The following FAM107B variants were observed in gnomAD, a reference collection of about 807,000 sequenced individuals.
The protein encoded by FAM107B is family with sequence similarity 107 member B.
FAM107B carries 21 observed loss-of-function variants against 31.5 expected under a neutral mutation model. That is an observed-to-expected ratio of 0.67 (90% CI 0.47 to 0.96). The LOEUF (loss-of-function observed/expected upper bound fraction) is 0.96. FAM107B is among the 40% of genes least tolerant of loss of function. FAM107B has a pLI of 0.00. For synonymous variants in FAM107B, 157 were observed against 141.5 expected (o/e 1.11, Z -0.78); for missense variants, 452 against 377.1 (o/e 1.20, Z -1.64).
chr10:14,557,028 T>G (rs987336852), intron 2 of FAM107B, among the ~76,000 whole-genome samples: 1 of 152,204 alleles, frequency 6.6e-6, no homozygotes, highest in African/African-American at 2.4e-5. Context: ...CTGGAGCGCA[T>G]GACCCTCCCA....
intron 2 of FAM107B, chr10:14,571,738 GA>G (rs1355190638): frequency 2.0e-6 from 2 of 978,512 alleles, no homozygotes; most frequent in Non-Finnish European, 2.4e-6. Flanking sequence ...AACAGCCATA[GA>G]AAAGTCCCAG....
chr10:14,622,551 C>T (rs536434775), intron 2 of FAM107B, among the ~76,000 whole-genome samples: 12 of 152,222 alleles, frequency 7.9e-5, no homozygotes, highest in South Asian at 6.2e-4. Context: ...GTGATCCACC[C>T]GCCTTGGCCT....
rs1465545495 is a variant in FAM107B at position 14,681,939 on chromosome 10, G to A, written c.412-14248C>T. On this transcript the variant is annotated intron_variant, in intron 1 of 4. Coordinates refer to ENST00000181796, the MANE Select transcript of FAM107B (RefSeq NM_031453.4). ...ATCATGGGTTTGAGAGTCAATTGCG[G>A]GCACCTATACACCAGTCAAAACAAA... is the stretch of plus-strand genomic sequence containing the variant. 2.6e-5 allele frequency among the ~76,000 whole-genome samples: 4 copies of A among 152,132 alleles called. No individual in the cohort carries two copies. In the East Asian group the frequency reaches 7.7e-4, roughly 29 times the overall value.
intron 2 of FAM107B, chr10:14,571,742 A>G (rs56353815): frequency 0.46 from 452,389 of 978,568 alleles, 107,235 homozygotes; most frequent in Non-Finnish European, 0.49. Flanking sequence ...GCCATAGAAA[A>G]GTCCCAGTGT....
chr10:14,757,767 C>A (rs962109504), intron 1 of FAM107B, among the ~76,000 whole-genome samples: 1 of 152,146 alleles, frequency 6.6e-6, no homozygotes, highest in African/African-American at 2.4e-5. Flanking sequence ...CTCATAACGT[C>A]CAAGGTAAAA....
chr10:14,556,260 C>T (rs1328141553), intron 2 of FAM107B: 13 of 777,538 alleles, frequency 1.7e-5, no homozygotes, highest in Admixed American at 6.2e-5. Context: ...TCATCAGAAC[C>T]GACTGACTGG....
At chr10:14,589,054 T>C (rs1351859756) in intron 2 of FAM107B, among the ~76,000 whole-genome samples, 1 of 151,374 alleles carries the variant, frequency 6.6e-6, no homozygotes, top group Non-Finnish European at 1.5e-5. Flanking sequence ...TGGTGGTGCA[T>C]GCCGGTGGTC....
chr10:14,558,904 C>G (rs1403439771), intron 2 of FAM107B, among the ~76,000 whole-genome samples: 1 of 151,976 alleles, frequency 6.6e-6, no homozygotes, highest in Admixed American at 6.6e-5. Flanking sequence ...GAAAAAAAAA[C>G]TAATAATAAA....
chr10:14,705,513 T>C (rs187774070), intron 1 of FAM107B, among the ~76,000 whole-genome samples: 122 of 152,258 alleles, frequency 8.0e-4, no homozygotes, highest in Admixed American at 2.3e-3. Flanking sequence ...AGCCATACAA[T>C]GGAATGTGAT....
At chr10:14,672,696 C>T (rs1355274702) in intron 1 of FAM107B, among the ~76,000 whole-genome samples, 2 of 152,072 alleles carry the variant, frequency 1.3e-5, no homozygotes, top group African/African-American at 2.4e-5. Context: ...GCATGTGAAA[C>T]CACACTAAGT....
At chr10:14,630,278 TAA>T (rs10525721) in intron 2 of FAM107B, among the ~76,000 whole-genome samples, 336 of 134,514 alleles carry the variant, frequency 2.5e-3, no homozygotes, top group East Asian at 7.6e-3. Flanking sequence ...CTACTGATGC[TAA>T]AAAAAAAAAA....
chr10:14,604,581 G>T (rs1325947435), intron 2 of FAM107B, among the ~76,000 whole-genome samples: 3 of 151,780 alleles, frequency 2.0e-5, no homozygotes, highest in Non-Finnish European at 4.4e-5. Context: ...GGCACCAGCC[G>T]GGGCTGCAGC....
At chr10:14,755,402 A>T (rs554935302) in intron 1 of FAM107B, among the ~76,000 whole-genome samples, 42 of 151,924 alleles carry the variant, frequency 2.8e-4, no homozygotes, top group African/African-American at 9.9e-4. Context: ...TTAGCTGGGC[A>T]TGATGGTGGG....
rs1332582700 is a variant in FAM107B at position 14,774,486 on chromosome 10, C to CT, written c.177dup (p.Ala60SerfsTer47). On this transcript the variant is annotated frameshift_variant, in exon 1 of 5. Transcript: ENST00000181796. LOFTEE classifies it high-confidence loss of function. ...CTTGGGTGTCTTGGCTGTCTGCCTG[C>CT]TTTGGCCACAGGCTGCACACGGACG... The CT allele has an allele frequency of 1.2e-6, 2 of 1,614,094 alleles. No individual in the cohort carries two copies. The highest frequency in any genetic ancestry group is 1.7e-6 in the Non-Finnish European group (2 of 1,180,056).
intron 1 of FAM107B, among the ~76,000 whole-genome samples, chr10:14,749,290 A>T (rs11259302): frequency 1.3e-5 from 2 of 152,106 alleles, no homozygotes; most frequent in Non-Finnish European, 2.9e-5. Context: ...CTGAGGATCC[A>T]GGGCCTGATT....
At chr10:14,708,826 T>C (rs1855576373) in intron 1 of FAM107B, among the ~76,000 whole-genome samples, 1 of 151,988 alleles carries the variant, frequency 6.6e-6, no homozygotes, top group African/African-American at 2.4e-5. Context: ...GAGCAAAAGA[T>C]CTGAACATAC....
intron 1 of FAM107B, among the ~76,000 whole-genome samples, chr10:14,773,293 T>G (rs1833347117): frequency 6.6e-6 from 1 of 152,210 alleles, no homozygotes; most frequent in South Asian, 2.1e-4. Flanking sequence ...GTGTTCTTGC[T>G]AAGGAGGCTT....
At chr10:14,562,414 T>G (rs994116650) in intron 2 of FAM107B, among the ~76,000 whole-genome samples, 3 of 152,234 alleles carry the variant, frequency 2.0e-5, no homozygotes, top group African/African-American at 7.2e-5. Context: ...TCAGTGATAA[T>G]GTCTTCAAGC....
intron 2 of FAM107B, among the ~76,000 whole-genome samples, chr10:14,639,788 C>A (rs1853587714): frequency 6.6e-6 from 1 of 152,172 alleles, no homozygotes; most frequent in African/African-American, 2.4e-5. Context: ...CTTTCCCTTT[C>A]TTCTATACTC....
Sources: allele counts gnomAD v4.1 joint callset (sites outside exome capture counted in the v4.1 genomes callset), GRCh38; gene constraint gnomAD v4.1.1; transcripts MANE v1.5; gene names NCBI Gene and HGNC (gene_info 2026-07-23, HGNC 2026-07-21).